The following COG5 variants were observed in gnomAD, a reference collection of about 807,000 sequenced individuals.
COG5 encodes component of oligomeric golgi complex 5.
In COG5, 86 loss-of-function variants were observed where a neutral mutation model predicts 110.4. That is an observed-to-expected ratio of 0.78 (90% CI 0.65 to 0.93). The LOEUF (loss-of-function observed/expected upper bound fraction) is 0.93. Ranked by LOEUF, COG5 falls within the 40% of genes least tolerant of loss-of-function variation. COG5 has a pLI of 0.00. For missense variants in COG5, 1,077 were observed against 987.0 expected (o/e 1.09, Z -1.22); for synonymous variants, 360 against 334.6 (o/e 1.08, Z -0.83).
chr7:107,359,143 G>A (rs1237358373), intron 10 of COG5, among the ~76,000 whole-genome samples: 1 of 152,198 alleles, frequency 6.6e-6, no homozygotes, highest in East Asian at 1.9e-4. Context: ...GTGGACCCAG[G>A]CATCCCTGTG....
At chr7:107,361,940 C>T in intron 10 of COG5, 93 bp downstream of exon 10, 3 of 787,156 alleles carry the variant, frequency 3.8e-6, no homozygotes, top group East Asian at 5.3e-5. Context: ...GATATGTAGC[C>T]ACTCTATAAG....
intron 19 of COG5, 113 bp downstream of exon 19, chr7:107,230,502 T>C (rs1800699338): frequency 6.3e-6 from 5 of 799,924 alleles, no homozygotes; most frequent in South Asian, 4.1e-5. Flanking sequence ...GAAATTGCCA[T>C]TGTTGTAGAT....
intron 17 of COG5, among the ~76,000 whole-genome samples, chr7:107,237,969 A>G (rs749785301): frequency 2.0e-5 from 3 of 152,142 alleles, no homozygotes; most frequent in East Asian, 1.9e-4. Flanking sequence ...GTGCCAATCT[A>G]TTTCATTTTT....
chr7:107,456,216 A>C (rs939524947), intron 6 of COG5, among the ~76,000 whole-genome samples: 6 of 152,202 alleles, frequency 3.9e-5, no homozygotes, highest in Non-Finnish European at 5.9e-5. Context: ...AAAGATTTTC[A>C]ATAACTTTAA....
chr7:107,388,646 G>C (rs982100406), intron 7 of COG5, among the ~76,000 whole-genome samples: 1 of 152,164 alleles, frequency 6.6e-6, no homozygotes, highest in Non-Finnish European at 1.5e-5. Flanking sequence ...CTGTAGAAAA[G>C]CACTTTTCTA....
chr7:107,250,401 A>C (rs1044500443), intron 16 of COG5, among the ~76,000 whole-genome samples: 4 of 152,164 alleles, frequency 2.6e-5, no homozygotes, highest in Non-Finnish European at 5.9e-5. Context: ...TAACCAAGCT[A>C]ATTGCCTGTA....
chr7:107,282,350 CTT>C (rs1805237308), intron 13 of COG5, among the ~76,000 whole-genome samples: 1 of 152,136 alleles, frequency 6.6e-6, no homozygotes, highest in Non-Finnish European at 1.5e-5. Context: ...AGAGATTCCT[CTT>C]TAACATTTAC....
At chr7:107,389,250 G>A (rs1790444398) in intron 7 of COG5, among the ~76,000 whole-genome samples, 1 of 149,674 alleles carries the variant, frequency 6.7e-6, no homozygotes, top group Admixed American at 6.6e-5. Context: ...ATTGGACTAA[G>A]GTGCCAGATA....
intron 14 of COG5, among the ~76,000 whole-genome samples, chr7:107,271,711 T>C (rs1036421706): frequency 6.6e-5 from 10 of 152,160 alleles, no homozygotes; most frequent in South Asian, 2.1e-4. Flanking sequence ...ATCATGTTCA[T>C]TGGTTTTTTG....
chr7:107,310,432 T>C (rs1372902025), intron 11 of COG5, among the ~76,000 whole-genome samples: 1 of 152,224 alleles, frequency 6.6e-6, no homozygotes, highest in Non-Finnish European at 1.5e-5. Flanking sequence ...AGTATTATTC[T>C]GCTAGTTCTA....
chr7:107,460,371 T>C (rs1422509243), intron 6 of COG5, among the ~76,000 whole-genome samples: 1 of 151,636 alleles, frequency 6.6e-6, no homozygotes, highest in Non-Finnish European at 1.5e-5. Flanking sequence ...CCACCCTGGG[T>C]GAGAGAGCAA....
At chr7:107,467,320 G>A (rs762490935) in intron 6 of COG5, among the ~76,000 whole-genome samples, 10 of 151,920 alleles carry the variant, frequency 6.6e-5, no homozygotes, top group Admixed American at 1.3e-4. Flanking sequence ...GTGTTACTAC[G>A]GAAACAAGGA....
chr7:107,343,804 T>C (rs1460902004), intron 10 of COG5, among the ~76,000 whole-genome samples: 1 of 152,180 alleles, frequency 6.6e-6, no homozygotes, highest in South Asian at 2.1e-4. Context: ...AGTCTCCTTA[T>C]ACATCTCAAT....
intron 5 of COG5, among the ~76,000 whole-genome samples, chr7:107,539,841 G>A (rs1801847422): frequency 6.6e-6 from 1 of 152,174 alleles, no homozygotes; most frequent in South Asian, 2.1e-4. Context: ...AATAATTTTA[G>A]AACAACAGGA....
intron 10 of COG5, among the ~76,000 whole-genome samples, chr7:107,330,095 G>A (rs996556114): frequency 1.7e-4 from 26 of 152,188 alleles, no homozygotes; most frequent in African/African-American, 6.0e-4. Flanking sequence ...TGAACTGGAA[G>A]GATATTTGAC....
intron 21 of COG5, chr7:107,209,927 G>T (rs184622287): frequency 3.0e-6 from 3 of 986,564 alleles, no homozygotes; most frequent in East Asian, 2.3e-4. Context: ...GCAGTTGCAG[G>T]GAAGAGTGTT....
chr7:107,240,816 G>C (rs73415425), intron 17 of COG5, among the ~76,000 whole-genome samples: 5,878 of 151,956 alleles, frequency 0.039, 359 homozygotes, highest in African/African-American at 0.13. Flanking sequence ...ACTGCCATGG[G>C]GGCAATACTT....
intron 3 of COG5, among the ~76,000 whole-genome samples, chr7:107,550,127 C>G (rs1802783864): frequency 6.6e-6 from 1 of 152,144 alleles, no homozygotes; most frequent in African/African-American, 2.4e-5. Flanking sequence ...CTCCATTACT[C>G]ATACCATCAT....
chr7:107,263,376 A>T (rs575637184), intron 14 of COG5, among the ~76,000 whole-genome samples: 5 of 152,232 alleles, frequency 3.3e-5, no homozygotes, highest in Non-Finnish European at 7.3e-5. Flanking sequence ...CAAGGTGCAA[A>T]AATACAGCTT....
Sources: gnomAD v4.1 joint callset for allele counts (sites outside exome capture counted in the v4.1 genomes callset) on GRCh38, gnomAD v4.1.1 for gene constraint, MANE v1.5 for transcripts, NCBI Gene and HGNC (gene_info 2026-07-23, HGNC 2026-07-21) for gene names.